The following ARHGAP26 variants were observed in gnomAD, a reference collection of about 807,000 sequenced individuals.
The protein encoded by ARHGAP26 is Rho GTPase activating protein 26.
Under a neutral mutation model 104.8 loss-of-function variants are expected in ARHGAP26, and 38 were observed. That is an observed-to-expected ratio of 0.36 (90% CI 0.28 to 0.48). ARHGAP26 has a LOEUF of 0.48. Among genes scored for constraint, ARHGAP26 ranks in the 20% least tolerant of loss-of-function variants. The pLI is 0.99. For synonymous variants in ARHGAP26, 341 were observed against 340.0 expected, an observed-to-expected ratio of 1.00 and a Z score of -0.03; for missense variants, 704 against 947.9, an observed-to-expected ratio of 0.74 and a Z score of 3.38.
intron 11 of ARHGAP26, among the ~76,000 whole-genome samples, chr5:143,008,338 C>A (rs918585095): frequency 1.3e-5 from 2 of 152,210 alleles, no homozygotes; most frequent in African/African-American, 2.4e-5. Flanking sequence ...AATCTGTCGC[C>A]ACTGACAGAC....
intron 11 of ARHGAP26, among the ~76,000 whole-genome samples, chr5:142,988,441 G>C (rs1367918555): frequency 6.6e-6 from 1 of 152,068 alleles, no homozygotes; most frequent in Non-Finnish European, 1.5e-5. Context: ...CAAAAAACTA[G>C]CTGCTGGATT....
intron 17 of ARHGAP26, among the ~76,000 whole-genome samples, chr5:143,085,058 AAAAAAAAAAG>A (rs1402471546): frequency 1.3e-5 from 2 of 151,718 alleles, no homozygotes; most frequent in African/African-American, 4.8e-5. Flanking sequence ...AAAAAAAAAA[AAAAAAAAAAG>A]AAACGCTTTC....
intron 14 of ARHGAP26, among the ~76,000 whole-genome samples, chr5:143,043,127 A>G (rs1381548389): frequency 6.6e-6 from 1 of 152,206 alleles, no homozygotes; most frequent in Non-Finnish European, 1.5e-5. Context: ...GCATTAATTT[A>G]GTCAAGATGC....
chr5:142,861,867 C>A (rs1314070667), intron 1 of ARHGAP26, among the ~76,000 whole-genome samples: 6 of 152,108 alleles, frequency 3.9e-5, no homozygotes, highest in African/African-American at 1.4e-4. Context: ...AACCACAAAT[C>A]TAAGCTTATT....
chr5:142,999,296 G>A (rs13161500), intron 11 of ARHGAP26, among the ~76,000 whole-genome samples: 14,481 of 152,024 alleles, frequency 0.095, 1,254 homozygotes, highest in African/African-American at 0.23. Flanking sequence ...AATTAGCCTC[G>A]AGCATATAGA....
intron 20 of ARHGAP26, among the ~76,000 whole-genome samples, chr5:143,148,705 A>G (rs1799441172): frequency 6.6e-6 from 1 of 152,146 alleles, no homozygotes; most frequent in Non-Finnish European, 1.5e-5. Context: ...GGGCTTGCCT[A>G]GGGAGCCTCC....
intron 11 of ARHGAP26, among the ~76,000 whole-genome samples, chr5:142,962,560 A>G (rs37205): frequency 0.21 from 32,398 of 152,172 alleles, 3,919 homozygotes; most frequent in East Asian, 0.47. Context: ...AGAAATCCAC[A>G]AGAATTTTCC....
intron 1 of ARHGAP26, among the ~76,000 whole-genome samples, chr5:142,789,485 C>T (rs1332633277): frequency 6.6e-6 from 1 of 152,136 alleles, no homozygotes; most frequent in African/African-American, 2.4e-5. Context: ...TATCAAAAAT[C>T]ATTATAAAAG....
chr5:142,960,668 G>A (rs1770084438), intron 11 of ARHGAP26, among the ~76,000 whole-genome samples: 1 of 152,204 alleles, frequency 6.6e-6, no homozygotes, highest in African/African-American at 2.4e-5. Flanking sequence ...ATGGTTTAAA[G>A]TTTAGTACCT....
At chr5:143,207,905 G>GA (rs1364181000) in intron 21 of ARHGAP26, among the ~76,000 whole-genome samples, 1 of 152,234 alleles carries the variant, frequency 6.6e-6, no homozygotes. Flanking sequence ...TCCACTGGGG[G>GA]AGAGACGTCG....
intron 3 of ARHGAP26, 109 bp from the exon 4 acceptor site, chr5:142,879,265 C>T: frequency 9.8e-7 from 1 of 1,024,770 alleles, no homozygotes; most frequent in Non-Finnish European, 1.5e-6. Context: ...CACTGCCTCC[C>T]CAAATTTTAT....
intron 1 of ARHGAP26, among the ~76,000 whole-genome samples, chr5:142,865,565 T>C (rs1211719712): frequency 6.7e-6 from 1 of 150,262 alleles, no homozygotes. Flanking sequence ...AATGTCCAAG[T>C]TGAGAGGTGT....
At chr5:143,147,419 T>C (rs1799301608) in intron 20 of ARHGAP26, 38 bp downstream of exon 20, 1 of 1,592,716 alleles carries the variant, frequency 6.3e-7, no homozygotes, top group Non-Finnish European at 8.6e-7. Context: ...CACAAGGGCT[T>C]TGGTCAGCCA....
At chr5:143,026,249 A>G (rs1432264329) in intron 12 of ARHGAP26, among the ~76,000 whole-genome samples, 2 of 152,238 alleles carry the variant, frequency 1.3e-5, no homozygotes. Flanking sequence ...ATTTATTGAG[A>G]TTAGTCATGA....
In ARHGAP26 at chr5:142,869,474, C is replaced by T. The variant is rs377230126; in HGVS notation, c.155-3926C>T. On this transcript the variant is annotated intron_variant, in intron 1 of 22. Coordinates refer to ENST00000645722, the MANE Select transcript of ARHGAP26 (RefSeq NM_001135608.3). ...GACCTCATGATCCACCCGCCTTGGC[C>T]TCCCGGAACTGTAATCACTTTCTAA... Among the ~76,000 whole-genome samples the T allele has an allele frequency of 2.2e-4, 33 of 152,162 alleles. 2 individuals are homozygous for T. The East Asian group carries it at 6.0e-3, about 28-fold the overall frequency.
At chr5:143,179,505 C>T (rs556304026) in intron 20 of ARHGAP26, among the ~76,000 whole-genome samples, 1 of 152,346 alleles carries the variant, frequency 6.6e-6, no homozygotes, top group Admixed American at 6.5e-5. Context: ...CTGCTCAGAA[C>T]AGACACTGTG....
chr5:142,809,640 T>A (rs1763687941), intron 1 of ARHGAP26, among the ~76,000 whole-genome samples: 1 of 152,194 alleles, frequency 6.6e-6, no homozygotes, highest in South Asian at 2.1e-4. Flanking sequence ...TTTATACAGT[T>A]GCTAGCTTTC....
Position 143,034,637 on chromosome 5 carries a change from A to G in ARHGAP26, c.1145-2559A>G, listed in dbSNP as rs114579776. Among the ~76,000 whole-genome samples the G allele has an allele frequency of 8.7e-4, 133 of 152,236 alleles. 1 individual carries two copies. Among genetic ancestry groups the G allele is most frequent in the Middle Eastern group, 3.4e-3 (1 of 294 alleles). ...TTTTGGGGTAGGGAGGAGGGCAAAAATGTTCTGGAGTTAGATAATAGTGAT... is the reference window on the plus strand; with the variant it reads ...TTTTGGGGTAGGGAGGAGGGCAAAAGTGTTCTGGAGTTAGATAATAGTGAT... On this transcript the variant is annotated intron_variant, in intron 12 of 22. Coordinates refer to ENST00000645722, the MANE Select transcript of ARHGAP26 (RefSeq NM_001135608.3).
intron 22 of ARHGAP26, among the ~76,000 whole-genome samples, chr5:143,220,067 A>G (rs1810934346): frequency 6.6e-6 from 1 of 152,182 alleles, no homozygotes; most frequent in Admixed American, 6.5e-5. Context: ...CTGTGGGTGA[A>G]CAGCTAGCCA....
Sources: gnomAD v4.1 joint callset for allele counts (sites outside exome capture counted in the v4.1 genomes callset) on GRCh38, gnomAD v4.1.1 for gene constraint, MANE v1.5 for transcripts, NCBI Gene and HGNC (gene_info 2026-07-23, HGNC 2026-07-21) for gene names.